CLASP1: variants seen among roughly 807,000 people sequenced by gnomAD.
CLASP1 encodes the protein cytoplasmic linker associated protein 1, also known as CLIP-associating protein 1.
A neutral mutation model predicts 192.3 loss-of-function variants in CLASP1; 38 were observed. The observed-to-expected ratio is 0.20, with a 90% CI of 0.15 to 0.26. The LOEUF (loss-of-function observed/expected upper bound fraction) is 0.26. CLASP1 is among the 10% of genes least tolerant of loss of function. The pLI, the probability that CLASP1 is intolerant of heterozygous loss-of-function variation, is 1.00. For synonymous variants in CLASP1, 691 were observed against 712.8 expected (o/e 0.97, Z 0.49); for missense variants, 1,433 against 1,932.5 (o/e 0.74, Z 4.85).
At chr2:121,446,883 C>A (rs536815563) in intron 19 of CLASP1, among the ~76,000 whole-genome samples, 18 of 152,266 alleles carry the variant, frequency 1.2e-4, no homozygotes, top group Middle Eastern at 3.4e-3. Flanking sequence ...CAACCCAACC[C>A]GATTATCCCT....
At chr2:121,560,564 T>C (rs2058981090) in intron 2 of CLASP1, among the ~76,000 whole-genome samples, 3 of 152,350 alleles carry the variant, frequency 2.0e-5, no homozygotes, top group Admixed American at 6.5e-5. Flanking sequence ...CTAGGTTTTC[T>C]CTGCAAAGTG....
At chr2:121,388,995 T>C (rs1041471266) in intron 30 of CLASP1, among the ~76,000 whole-genome samples, 1 of 152,206 alleles carries the variant, frequency 6.6e-6, no homozygotes, top group Admixed American at 6.5e-5. Flanking sequence ...AATATTTCAA[T>C]GCTTTTACAA....
intron 8 of CLASP1, among the ~76,000 whole-genome samples, chr2:121,476,062 C>T (rs1255022711): frequency 6.6e-6 from 1 of 152,110 alleles, no homozygotes; most frequent in Non-Finnish European, 1.5e-5. Context: ...CCTGGCAATC[C>T]AAATAAGTAG....
At chr2:121,626,206 G>GA (rs1559806749) in intron 1 of CLASP1, among the ~76,000 whole-genome samples, 1 of 151,578 alleles carries the variant, frequency 6.6e-6, no homozygotes, top group East Asian at 1.9e-4. Flanking sequence ...ATACCCAGTT[G>GA]AAAAAAAAGA....
chr2:121,497,998 T>C (rs997626904), intron 8 of CLASP1, among the ~76,000 whole-genome samples: 2 of 152,112 alleles, frequency 1.3e-5, no homozygotes, highest in Non-Finnish European at 2.9e-5. Context: ...GTGCTGGGAT[T>C]ACAGGCGCAC....
At chr2:121,509,621 C>T (rs1218344425) in intron 7 of CLASP1, among the ~76,000 whole-genome samples, 4 of 152,134 alleles carry the variant, frequency 2.6e-5, no homozygotes, top group Non-Finnish European at 5.9e-5. Context: ...GTGGAACACA[C>T]GAGGGCAGAA....
chr2:121,525,809 C>G (rs140796347), intron 6 of CLASP1, 36 bp downstream of exon 6: 2 of 1,480,960 alleles, frequency 1.4e-6, no homozygotes, highest in African/African-American at 2.8e-5. Context: ...AGTCTGTAAG[C>G]AATGACTTCT....
chr2:121,481,964 C>T (rs547539703), intron 8 of CLASP1, among the ~76,000 whole-genome samples: 1 of 152,310 alleles, frequency 6.6e-6, no homozygotes, highest in South Asian at 2.1e-4. Context: ...CCTAACAGCA[C>T]ACACACAATA....
chr2:121,527,056 G>A (rs561309712), intron 5 of CLASP1, among the ~76,000 whole-genome samples: 1 of 152,302 alleles, frequency 6.6e-6, no homozygotes, highest in African/African-American at 2.4e-5. Flanking sequence ...AAACAGTATG[G>A]ACAACTCTGG....
intron 7 of CLASP1, among the ~76,000 whole-genome samples, chr2:121,513,308 A>G (rs1267673988): frequency 6.6e-6 from 1 of 152,232 alleles, no homozygotes; most frequent in African/African-American, 2.4e-5. Context: ...GTGTGGGTCC[A>G]TTTCCCTAAG....
chr2:121,367,200 G>C (rs1391318274), intron 35 of CLASP1, among the ~76,000 whole-genome samples: 3 of 152,194 alleles, frequency 2.0e-5, no homozygotes, highest in African/African-American at 7.2e-5. Flanking sequence ...GCAGGTCCAA[G>C]GCCTTCACAA....
chr2:121,516,478 G>C (rs2094296089), intron 6 of CLASP1, among the ~76,000 whole-genome samples: 1 of 152,216 alleles, frequency 6.6e-6, no homozygotes, highest in African/African-American at 2.4e-5. Context: ...GACATGCACG[G>C]CACATGCTTC....
intron 34 of CLASP1, among the ~76,000 whole-genome samples, chr2:121,373,175 G>A (rs113572814): frequency 1.3e-5 from 2 of 152,182 alleles, no homozygotes; most frequent in South Asian, 2.1e-4. Flanking sequence ...TAGTGAGTGA[G>A]TTCTCATAAG....
intron 39 of CLASP1, among the ~76,000 whole-genome samples, chr2:121,345,952 A>C (rs977089934): frequency 6.6e-6 from 1 of 152,216 alleles, no homozygotes; most frequent in African/African-American, 2.4e-5. Context: ...GGTGGCCCAG[A>C]GTGTCAACAG....
chr2:121,418,826 C>T (rs913897169), intron 22 of CLASP1, 97 bp from the exon 23 acceptor site: 36 of 861,484 alleles, frequency 4.2e-5, no homozygotes, highest in South Asian at 5.9e-5. Flanking sequence ...AATGTAATTA[C>T]GACATTGTTC....
chr2:121,403,353 A>G, intron 26 of CLASP1: 1 of 455,134 alleles, frequency 2.2e-6, no homozygotes, highest in Non-Finnish European at 4.4e-6. Flanking sequence ...GTAAATGTTA[A>G]ATGACTGGGT....
At chr2:121,627,853 T>C (rs1273845970) in intron 1 of CLASP1, among the ~76,000 whole-genome samples, 2 of 152,172 alleles carry the variant, frequency 1.3e-5, no homozygotes, top group Non-Finnish European at 2.9e-5. Flanking sequence ...CTTAAGTGAC[T>C]TGTCAGCGAA....
intron 19 of CLASP1, among the ~76,000 whole-genome samples, chr2:121,442,810 T>C (rs2083580764): frequency 6.6e-6 from 1 of 152,144 alleles, no homozygotes; most frequent in African/African-American, 2.4e-5. Context: ...ATATAACTGT[T>C]TTAAAATCAT....
At chr2:121,499,813 G>GAA (rs1181099449) in intron 8 of CLASP1, among the ~76,000 whole-genome samples, 6 of 140,994 alleles carry the variant, frequency 4.3e-5, no homozygotes, top group African/African-American at 1.6e-4. Flanking sequence ...CCTGCTCTGG[G>GAA]AAAAAAAAAA....
Sources: allele counts gnomAD v4.1 joint callset (sites outside exome capture counted in the v4.1 genomes callset), GRCh38; gene constraint gnomAD v4.1.1; transcripts MANE v1.5; gene names NCBI Gene and HGNC (gene_info 2026-07-23, HGNC 2026-07-21).